The following CDH13 variants were observed in gnomAD, a reference collection of about 807,000 sequenced individuals.
CDH13 encodes the protein cadherin 13.
CDH13 carries 24 observed loss-of-function variants against 63.8 expected under a neutral mutation model. The observed-to-expected ratio is 0.38, with a 90% CI of 0.27 to 0.53. The LOEUF is 0.53. CDH13 is among the 20% of genes least tolerant of loss of function. CDH13 has a pLI of 0.85. For synonymous variants in CDH13, 503 were observed against 355.3 expected (o/e 1.42, Z -4.67); for missense variants, 1,049 against 903.1 (o/e 1.16, Z -2.07).
intron 2 of CDH13, among the ~76,000 whole-genome samples, chr16:83,001,198 A>G (rs1021124066): frequency 6.6e-6 from 1 of 152,266 alleles, no homozygotes; most frequent in African/African-American, 2.4e-5. Context: ...ACCACACAGC[A>G]TAGAAATCTG....
At chr16:83,224,874 C>G (rs143847090) in intron 5 of CDH13, among the ~76,000 whole-genome samples, 29 of 152,280 alleles carry the variant, frequency 1.9e-4, no homozygotes, top group African/African-American at 5.8e-4. Flanking sequence ...AGCCAGCCTG[C>G]CACATATCGG....
chr16:82,978,248 A>G (rs1372997066), intron 2 of CDH13, among the ~76,000 whole-genome samples: 5 of 152,232 alleles, frequency 3.3e-5, no homozygotes, highest in African/African-American at 9.6e-5. Flanking sequence ...GCAGAACATA[A>G]AAGTTCAGAA....
At chr16:82,766,567 C>T (rs935467253) in intron 1 of CDH13, among the ~76,000 whole-genome samples, 2 of 152,184 alleles carry the variant, frequency 1.3e-5, no homozygotes, top group Non-Finnish European at 2.9e-5. Flanking sequence ...TATCTCTCTC[C>T]TGAGGCTCTT....
chr16:83,112,589 C>G (rs79755227), intron 3 of CDH13, among the ~76,000 whole-genome samples: 4,278 of 152,200 alleles, frequency 0.028, 76 homozygotes, highest in South Asian at 0.042. Flanking sequence ...AATGTGGTTA[C>G]TTCCTTTTTG....
intron 6 of CDH13, among the ~76,000 whole-genome samples, chr16:83,455,893 TG>T (rs1351976501): frequency 6.6e-6 from 1 of 152,256 alleles, no homozygotes. Flanking sequence ...CTCGCAGCTC[TG>T]GAAAAACGAC....
intron 1 of CDH13, among the ~76,000 whole-genome samples, chr16:82,850,142 C>G (rs1281110637): frequency 1.3e-5 from 2 of 152,208 alleles, no homozygotes; most frequent in African/African-American, 4.8e-5. Context: ...TGTGATTCCT[C>G]TGATGGATCA....
At chr16:83,546,045 G>C (rs1203630665) in intron 7 of CDH13, among the ~76,000 whole-genome samples, 1 of 152,178 alleles carries the variant, frequency 6.6e-6, no homozygotes, top group African/African-American at 2.4e-5. Flanking sequence ...GAAGTGATAA[G>C]TGCTCTGAGG....
chr16:83,227,444 G>A (rs1457597074), intron 5 of CDH13, among the ~76,000 whole-genome samples: 1 of 152,174 alleles, frequency 6.6e-6, no homozygotes, highest in Non-Finnish European at 1.5e-5. Flanking sequence ...TGTGATGGGG[G>A]CTGAGTTCCT....
chr16:83,225,139 A>C (rs1435729873), intron 5 of CDH13, among the ~76,000 whole-genome samples: 1 of 152,182 alleles, frequency 6.6e-6, no homozygotes, highest in Non-Finnish European at 1.5e-5. Context: ...TAGCCAGCCC[A>C]CCAGGTCATC....
At chr16:83,477,299 A>G (rs1340978312) in intron 6 of CDH13, among the ~76,000 whole-genome samples, 1 of 152,232 alleles carries the variant, frequency 6.6e-6, no homozygotes, top group Non-Finnish European at 1.5e-5. Flanking sequence ...GTACTTAAAA[A>G]ACCAACTAGC....
At chr16:82,835,008 A>C (rs2038705092) in intron 1 of CDH13, among the ~76,000 whole-genome samples, 1 of 152,218 alleles carries the variant, frequency 6.6e-6, no homozygotes, top group Admixed American at 6.5e-5. Flanking sequence ...CCACATATAT[A>C]ATTTTAAATT....
chr16:82,879,568 T>A (rs1031014317), intron 2 of CDH13, among the ~76,000 whole-genome samples: 4 of 142,480 alleles, frequency 2.8e-5, no homozygotes, highest in Admixed American at 7.2e-5. Flanking sequence ...TATTGTATAT[T>A]TTATATACAA....
At chr16:83,622,648 C>T (rs895005555) in intron 8 of CDH13, among the ~76,000 whole-genome samples, 9 of 152,212 alleles carry the variant, frequency 5.9e-5, no homozygotes, top group Non-Finnish European at 1.2e-4. Flanking sequence ...AACTTTAGTT[C>T]ATTAATGAGG....
chr16:82,890,373 C>T (rs2041037028), intron 2 of CDH13, among the ~76,000 whole-genome samples: 1 of 152,168 alleles, frequency 6.6e-6, no homozygotes, highest in Non-Finnish European at 1.5e-5. Context: ...CCACCATCTC[C>T]AGCCTCAGCC....
chr16:83,391,425 C>T (rs953834801), intron 6 of CDH13, among the ~76,000 whole-genome samples: 1 of 151,970 alleles, frequency 6.6e-6, no homozygotes, highest in Admixed American at 6.6e-5. Context: ...CGGCTGGTCT[C>T]GAACTCCCGA....
chr16:83,046,589 C>G (rs1453271836), intron 3 of CDH13, among the ~76,000 whole-genome samples: 1 of 152,182 alleles, frequency 6.6e-6, no homozygotes, highest in Non-Finnish European at 1.5e-5. Flanking sequence ...AATTCCTTGT[C>G]TTCAAAGACT....
intron 2 of CDH13, among the ~76,000 whole-genome samples, chr16:82,999,277 A>G (rs1912599340): frequency 6.6e-6 from 1 of 152,024 alleles, no homozygotes; most frequent in African/African-American, 2.4e-5. Flanking sequence ...TCAGTCCCAA[A>G]GCTCCTATGG....
chr16:82,853,648 T>G (rs970309525), intron 1 of CDH13, among the ~76,000 whole-genome samples: 8 of 152,220 alleles, frequency 5.3e-5, no homozygotes, highest in Non-Finnish European at 1.0e-4. Context: ...GAAACGTGAA[T>G]CTTTGTAGCA....
intron 5 of CDH13, among the ~76,000 whole-genome samples, chr16:83,259,841 C>T (rs983008825): frequency 6.6e-6 from 1 of 152,010 alleles, no homozygotes; most frequent in African/African-American, 2.4e-5. Flanking sequence ...CACCATGAAC[C>T]ACAGCACCCC....
Sources: allele counts gnomAD v4.1 joint callset (sites outside exome capture counted in the v4.1 genomes callset), GRCh38; gene constraint gnomAD v4.1.1; transcripts MANE v1.5; gene names NCBI Gene and HGNC (gene_info 2026-07-23, HGNC 2026-07-21).